The following TANC2 variants were observed in gnomAD, a reference collection of about 807,000 sequenced individuals.
TANC2 encodes the protein tetratricopeptide repeat, ankyrin repeat and coiled-coil containing 2.
In TANC2, 26 loss-of-function variants were observed where a neutral mutation model predicts 210.5. The observed-to-expected ratio is 0.12, with a 90% confidence interval of 0.09 to 0.17. The LOEUF (loss-of-function observed/expected upper bound fraction) is 0.17. Among genes scored for constraint, TANC2 ranks in the 10% least tolerant of loss-of-function variants. The pLI, the probability that TANC2 is intolerant of heterozygous loss-of-function variation, is 1.00. For missense variants in TANC2, 2,129 were observed against 2,608.9 expected (o/e 0.82, Z 4.01); for synonymous variants, 931 against 967.1 (o/e 0.96, Z 0.69).
chr17:63,075,255 AG>A (rs1256731551), intron 3 of TANC2, among the ~76,000 whole-genome samples: 2 of 152,212 alleles, frequency 1.3e-5, no homozygotes, highest in African/African-American at 4.8e-5. Context: ...AATTTTATTA[AG>A]TATCAAATAT....
chr17:63,326,174 T>G (rs1598858026), intron 11 of TANC2, among the ~76,000 whole-genome samples: 2 of 152,210 alleles, frequency 1.3e-5, no homozygotes, highest in South Asian at 4.1e-4. Context: ...ACGGTGTGTT[T>G]CTAGTATGTG....
At chr17:63,128,981 G>T (rs2038815722) in intron 4 of TANC2, among the ~76,000 whole-genome samples, 1 of 152,086 alleles carries the variant, frequency 6.6e-6, no homozygotes, top group Admixed American at 6.6e-5. Flanking sequence ...CTTACGGACG[G>T]TTTATAGAAG....
At chr17:63,035,144 A>AC (rs1245742302) in intron 2 of TANC2, among the ~76,000 whole-genome samples, 1 of 151,990 alleles carries the variant, frequency 6.6e-6, no homozygotes, top group Non-Finnish European at 1.5e-5. Flanking sequence ...TTCAGAAACT[A>AC]CCCCCCGATC....
chr17:63,223,488 C>T (rs1405172313), intron 7 of TANC2, among the ~76,000 whole-genome samples: 1 of 152,118 alleles, frequency 6.6e-6, no homozygotes, highest in Non-Finnish European at 1.5e-5. Flanking sequence ...TGTATGGCAA[C>T]AGTAGCAGTC....
chr17:63,139,580 TGGGCAACAA>T (rs1180777898), intron 4 of TANC2, among the ~76,000 whole-genome samples: 4 of 152,136 alleles, frequency 2.6e-5, no homozygotes, highest in African/African-American at 9.7e-5. Context: ...CATTCTAGCC[TGGGCAACAA>T]GAGCGAGACT....
intron 5 of TANC2, among the ~76,000 whole-genome samples, chr17:63,177,283 A>AC (rs1393030173): frequency 6.6e-6 from 1 of 150,524 alleles, no homozygotes; most frequent in Non-Finnish European, 1.5e-5. Flanking sequence ...AAAAAAAAAA[A>AC]CACAAAATTT....
intron 2 of TANC2, among the ~76,000 whole-genome samples, chr17:63,043,196 C>T (rs2035255150): frequency 6.6e-6 from 1 of 151,988 alleles, no homozygotes; most frequent in South Asian, 2.1e-4. Flanking sequence ...CGTATCTTGT[C>T]TCTCACATTG....
At chr17:63,064,473 A>G (rs1243072588) in intron 2 of TANC2, among the ~76,000 whole-genome samples, 1 of 152,180 alleles carries the variant, frequency 6.6e-6, no homozygotes, top group Non-Finnish European at 1.5e-5. Context: ...ACAAACAAAC[A>G]TACAAAAACA....
intron 14 of TANC2, among the ~76,000 whole-genome samples, chr17:63,358,237 T>C (rs931890456): frequency 6.6e-6 from 1 of 152,178 alleles, no homozygotes; most frequent in Non-Finnish European, 1.5e-5. Flanking sequence ...CCAGACTGCT[T>C]ATTGTCTCAG....
intron 11 of TANC2, among the ~76,000 whole-genome samples, chr17:63,322,640 T>G (rs954480783): frequency 6.6e-6 from 1 of 152,200 alleles, no homozygotes; most frequent in Non-Finnish European, 1.5e-5. Flanking sequence ...GATAAATCAG[T>G]GAACAAAACA....
chr17:63,162,795 G>A (rs956406446), intron 5 of TANC2, among the ~76,000 whole-genome samples: 1 of 152,018 alleles, frequency 6.6e-6, no homozygotes, highest in Admixed American at 6.6e-5. Flanking sequence ...GAAATATTGA[G>A]ATTTGAAGAA....
At chr17:63,425,415 C>T (rs532237056) in exon 28 of TANC2, 21 of 152,284 alleles carry the variant, frequency 1.4e-4, no homozygotes, top group Middle Eastern at 3.4e-3. Context: ...GAGCCCCTCT[C>T]TAAATATTGG....
chr17:63,085,571 T>C (rs1024206412), intron 3 of TANC2, among the ~76,000 whole-genome samples: 1 of 152,110 alleles, frequency 6.6e-6, no homozygotes, highest in African/African-American at 2.4e-5. Flanking sequence ...ATTTCACAGG[T>C]AGTACAGATA....
chr17:63,384,351 C>G (rs1018869133), intron 15 of TANC2, among the ~76,000 whole-genome samples: 2 of 152,036 alleles, frequency 1.3e-5, no homozygotes, highest in Non-Finnish European at 2.9e-5. Flanking sequence ...GGATTACCAC[C>G]ACTAATCTTA....
chr17:63,070,385 G>A (rs1008673118), intron 2 of TANC2, among the ~76,000 whole-genome samples: 7 of 152,204 alleles, frequency 4.6e-5, no homozygotes, highest in Non-Finnish European at 7.4e-5. Flanking sequence ...CTCACTAAAG[G>A]ATCACCTAGA....
chr17:63,083,671 T>C (rs1408215989), intron 3 of TANC2, among the ~76,000 whole-genome samples: 1 of 152,220 alleles, frequency 6.6e-6, no homozygotes, highest in Non-Finnish European at 1.5e-5. Flanking sequence ...GTCTGCCTGA[T>C]AATATTTGTT....
chr17:63,090,286 G>A (rs985872800), intron 3 of TANC2, among the ~76,000 whole-genome samples: 3 of 148,540 alleles, frequency 2.0e-5, no homozygotes, highest in Non-Finnish European at 4.4e-5. Flanking sequence ...ATATGTATAC[G>A]TGTGCCATGT....
chr17:63,146,696 C>G (rs546038591), intron 4 of TANC2, among the ~76,000 whole-genome samples: 1 of 152,114 alleles, frequency 6.6e-6, no homozygotes, highest in Admixed American at 6.6e-5. Context: ...AAGACAATAC[C>G]TCAGTAATTA....
At chr17:63,411,669 T>C in exon 22 of TANC2, 11 of 1,612,966 alleles carry the variant, frequency 6.8e-6, no homozygotes, top group Non-Finnish European at 9.3e-6. Flanking sequence ...GGCAGCTTTC[T>C]ATGGCGATGC....
Sources: gnomAD v4.1 joint callset for allele counts (sites outside exome capture counted in the v4.1 genomes callset) on GRCh38, gnomAD v4.1.1 for gene constraint, MANE v1.5 for transcripts, NCBI Gene and HGNC (gene_info 2026-07-23, HGNC 2026-07-21) for gene names.